The following CUX1 variants were observed in gnomAD, a reference collection of about 807,000 sequenced individuals.
CUX1 encodes the protein cut like homeobox 1.
Under a neutral mutation model 158.8 loss-of-function variants are expected in CUX1, and 31 were observed. That is an observed-to-expected ratio of 0.20 (90% confidence interval 0.15 to 0.26). The LOEUF is 0.26. Among genes scored for constraint, CUX1 ranks in the 10% least tolerant of loss-of-function variants. The probability of loss-of-function intolerance (pLI) is 1.00; values close to 1 mark genes in which losing one functional copy is unlikely to be tolerated. For synonymous variants in CUX1, 879 were observed against 862.1 expected (o/e 1.02, Z -0.34); for missense variants, 1,589 against 2,014.6 (o/e 0.79, Z 4.04).
chr7:102,141,181 A>C (rs1834412050), intron 8 of CUX1, among the ~76,000 whole-genome samples: 1 of 152,124 alleles, frequency 6.6e-6, no homozygotes, highest in South Asian at 2.1e-4. Flanking sequence ...GCCCTAAAAA[A>C]GGTACTTAGC....
At chr7:102,123,139 G>T (rs972068111) in intron 8 of CUX1, among the ~76,000 whole-genome samples, 1 of 152,026 alleles carries the variant, frequency 6.6e-6, no homozygotes, top group Non-Finnish European at 1.5e-5. Context: ...GCTAAGGTAG[G>T]ATAATTGCTT....
chr7:101,925,781 A>C (rs1290781429), intron 2 of CUX1, among the ~76,000 whole-genome samples: 1 of 152,024 alleles, frequency 6.6e-6, no homozygotes, highest in Admixed American at 6.6e-5. Context: ...AAAAATAGAA[A>C]TATTAGCTGG....
At chr7:101,918,335 A>G (rs1001612481) in intron 2 of CUX1, among the ~76,000 whole-genome samples, 1 of 152,218 alleles carries the variant, frequency 6.6e-6, no homozygotes, top group Non-Finnish European at 1.5e-5. Flanking sequence ...TGGCGTTTTT[A>G]TCTCCTTCTG....
intron 14 of CUX1, 147 bp from the exon 15 acceptor site, chr7:102,196,487 C>T (rs948049797): frequency 4.2e-5 from 28 of 669,794 alleles, no homozygotes; most frequent in Non-Finnish European, 6.0e-5. Context: ...GGAAAACAAA[C>T]CAACCCACCT....
At chr7:102,009,150 A>AT (rs1289298272) in intron 2 of CUX1, among the ~76,000 whole-genome samples, 1 of 152,216 alleles carries the variant, frequency 6.6e-6, no homozygotes, top group Non-Finnish European at 1.5e-5. Flanking sequence ...CAGAGTTTGG[A>AT]TTGTAGCCAG....
chr7:102,195,074 G>A (rs1794648782), intron 13 of CUX1, among the ~76,000 whole-genome samples: 1 of 148,812 alleles, frequency 6.7e-6, no homozygotes, highest in East Asian at 2.0e-4. Context: ...AGTGGAATCT[G>A]ACTCCTGATG....
At chr7:102,058,781 A>G (rs1297202631) in intron 3 of CUX1, among the ~76,000 whole-genome samples, 1 of 152,202 alleles carries the variant, frequency 6.6e-6, no homozygotes, top group Non-Finnish European at 1.5e-5. Context: ...TCCCCTAGGA[A>G]GCCTGCCCCA....
intron 20 of CUX1, among the ~76,000 whole-genome samples, chr7:102,216,584 C>CCACA (rs148917917): frequency 6.3e-4 from 35 of 55,498 alleles, no homozygotes; most frequent in East Asian, 3.8e-3. Context: ...ACACACTCTC[C>CCACA]CACACACACA....
At chr7:102,096,479 G>A (rs889956622) in intron 4 of CUX1, among the ~76,000 whole-genome samples, 1 of 152,144 alleles carries the variant, frequency 6.6e-6, no homozygotes, top group Non-Finnish European at 1.5e-5. Context: ...AGGCTGAGGC[G>A]GTCAGATCCC....
At chr7:101,885,027 C>G (rs780686175) in intron 1 of CUX1, among the ~76,000 whole-genome samples, 16 of 152,164 alleles carry the variant, frequency 1.1e-4, no homozygotes, top group Non-Finnish European at 1.9e-4. Context: ...CCCTGCATGT[C>G]CTCTGTAGTG....
chr7:101,870,159 T>TTTG (rs1798363938), intron 1 of CUX1, among the ~76,000 whole-genome samples: 1 of 148,122 alleles, frequency 6.8e-6, no homozygotes, highest in South Asian at 2.1e-4. Context: ...TTTTGTTTTT[T>TTTG]TTTTTTTTTT....
intron 1 of CUX1, among the ~76,000 whole-genome samples, chr7:101,881,783 T>C (rs1471939720): frequency 6.6e-6 from 1 of 152,156 alleles, no homozygotes; most frequent in Non-Finnish European, 1.5e-5. Context: ...AGAAACCTCC[T>C]TGAAGGTGGA....
At chr7:101,855,530 G>C (rs1796679837) in intron 1 of CUX1, among the ~76,000 whole-genome samples, 1 of 152,198 alleles carries the variant, frequency 6.6e-6, no homozygotes, top group Admixed American at 6.5e-5. Flanking sequence ...ACGTATTTTA[G>C]AATTGAGTTA....
At chr7:102,260,523 C>T (rs1300238306), downstream of CUX1, among the ~76,000 whole-genome samples, 2 of 148,766 alleles carry the variant, frequency 1.3e-5, no homozygotes, top group East Asian at 4.0e-4. Flanking sequence ...TCTCCTGCCT[C>T]CGCCTCCCAA....
intron 1 of CUX1, among the ~76,000 whole-genome samples, chr7:101,878,614 A>G (rs1023569462): frequency 6.6e-6 from 1 of 152,040 alleles, no homozygotes; most frequent in Non-Finnish European, 1.5e-5. Context: ...ATACAATGTG[A>G]TTGTAAAAAT....
At chr7:101,857,843 C>T (rs949528759) in intron 1 of CUX1, among the ~76,000 whole-genome samples, 1 of 152,068 alleles carries the variant, frequency 6.6e-6, no homozygotes, top group Non-Finnish European at 1.5e-5. Context: ...ACAGTAAGGG[C>T]TGGGGGTGGT....
At chr7:102,142,905 G>T (rs531218047) in intron 8 of CUX1, among the ~76,000 whole-genome samples, 37 of 152,292 alleles carry the variant, frequency 2.4e-4, no homozygotes, top group African/African-American at 7.9e-4. Context: ...CTGGGCAACA[G>T]AGCAAGACCC....
chr7:101,861,575 G>T (rs943397600), intron 1 of CUX1, among the ~76,000 whole-genome samples: 1 of 151,360 alleles, frequency 6.6e-6, no homozygotes, highest in African/African-American at 2.4e-5. Context: ...TGGGACAGGC[G>T]GAGGACTGGG....
chr7:102,039,967 G>A (rs747691069), intron 3 of CUX1, among the ~76,000 whole-genome samples: 4 of 152,044 alleles, frequency 2.6e-5, no homozygotes, highest in African/African-American at 4.8e-5. Context: ...TACATGCAGC[G>A]CGCTGGCCAC....
Sources: allele counts gnomAD v4.1 joint callset (sites outside exome capture counted in the v4.1 genomes callset), GRCh38; gene constraint gnomAD v4.1.1; transcripts MANE v1.5; gene names NCBI Gene and HGNC (gene_info 2026-07-23, HGNC 2026-07-21).